ZFYVE16: variants seen among roughly 807,000 people sequenced by gnomAD.
ZFYVE16 encodes zinc finger FYVE domain-containing protein 16.
A neutral mutation model predicts 138.1 loss-of-function variants in ZFYVE16; 89 were observed. That is an observed-to-expected ratio of 0.64 (90% CI 0.54 to 0.77). ZFYVE16 has a LOEUF of 0.77. Ranked by LOEUF, ZFYVE16 falls within the 30% of genes least tolerant of loss-of-function variation. The probability of loss-of-function intolerance (pLI) is 0.00; values close to 1 mark genes in which losing one functional copy is unlikely to be tolerated. For synonymous variants in ZFYVE16, 596 were observed against 618.3 expected (o/e 0.96, Z 0.53); for missense variants, 1,793 against 1,786.7 (o/e 1.00, Z -0.06).
intron 14 of ZFYVE16, 124 bp downstream of exon 14, chr5:80,457,216 T>G: frequency 7.3e-7 from 1 of 1,372,456 alleles, no homozygotes; most frequent in Non-Finnish European, 9.8e-7. Context: ...CAATATGTTT[T>G]GAAATTTCAG....
At chr5:80,425,384 A>G (rs768359030) in intron 1 of ZFYVE16, among the ~76,000 whole-genome samples, 26 of 152,136 alleles carry the variant, frequency 1.7e-4, no homozygotes, top group Non-Finnish European at 1.2e-4. Flanking sequence ...ATGGCACACA[A>G]TCATAATTAG....
At chr5:80,408,226 C>T (rs1403847379) in intron 1 of ZFYVE16, 73 bp downstream of exon 1, 1 of 152,450 alleles carries the variant, frequency 6.6e-6, no homozygotes, top group African/African-American at 2.4e-5. Flanking sequence ...GCGGGGTGAC[C>T]GCTGGACCCG....
chr5:80,437,129 A>G lies in ZFYVE16; in HGVS notation c.444A>G (p.Lys148=). ...CCAATAGTGAAGAAGATATTAAAAA[A>G]TTATTGCCAGATGATTTTAAGTCTA... ...HATNSEEDIK[K]LLPDDFKSNA... Residue 148 remains lysine (K), a synonymous_variant, in exon 4 of 19, where the codon AAA becomes AAG. Transcript: ENST00000505560. The G allele has an allele frequency of 6.2e-7, 1 of 1,613,990 alleles. No homozygotes were observed. The highest frequency in any genetic ancestry group is 1.3e-5 in the African/African-American group (1 of 75,066).
rs755870508 is a variant in ZFYVE16 at position 80,451,521 on chromosome 5, C to T, written c.3419C>T (p.Thr1140Ile). The T allele has an allele frequency of 1.9e-6, 3 of 1,613,304 alleles. No homozygotes were observed. Among genetic ancestry groups the T allele is most frequent in the Non-Finnish European group, 2.5e-6 (3 of 1,179,786 alleles). ...YIENLDNITF[T>I]ESFLSSKDHG... ...GAAAACTTGGACAATATTACCTTTA[C>T]TGAGAGTTTTCTCAGTAGCAAGGAT... The change falls in exon 11 of 19, where the codon ACT (threonine) becomes ATT (isoleucine). Residue 1140 changes from threonine (T) to isoleucine (I), a missense_variant. By Grantham distance (89) the Thr-to-Ile change is moderately conservative. Around this residue, in one of 2 missense-constraint regions of ZFYVE16, gnomAD observed 498 missense variants for 582.4 expected, o/e 0.86. Coordinates refer to ENST00000505560, the MANE Select transcript of ZFYVE16 (RefSeq NM_001284236.3).
Position 80,421,507 on chromosome 5 carries a change from T to A in ZFYVE16, c.-93-5985T>A, listed in dbSNP as rs560735500. On this transcript the variant is annotated intron_variant, in intron 1 of 18. Transcript: ENST00000505560. Reference sequence around the variant, plus strand: ...GGAAGGGATCCAGTTTCAGCTTTCTTTTTATGGCTAGCCAGTTTTCCCAGC... The same window carrying A: ...GGAAGGGATCCAGTTTCAGCTTTCTATTTATGGCTAGCCAGTTTTCCCAGC... Among the ~76,000 whole-genome samples, 52 of 152,240 alleles carry A rather than the reference T, an allele frequency of 3.4e-4. No individual in the cohort carries two copies. The South Asian group carries it at 7.7e-3, about 23-fold the overall frequency.
At chr5:80,428,421 A>G (rs1345835200) in intron 2 of ZFYVE16, among the ~76,000 whole-genome samples, 2 of 152,212 alleles carry the variant, frequency 1.3e-5, no homozygotes, top group Non-Finnish European at 2.9e-5. Context: ...AAAACTAACA[A>G]ACAGAAAGGA....
chr5:80,461,346 C>A (rs556479625), intron 15 of ZFYVE16, among the ~76,000 whole-genome samples: 1 of 152,292 alleles, frequency 6.6e-6, no homozygotes, highest in African/African-American at 2.4e-5. Context: ...AGTCACATTA[C>A]CCCCATTGTC....
At chr5:80,444,933 A>C (rs1396542326) in intron 6 of ZFYVE16, among the ~76,000 whole-genome samples, 1 of 151,962 alleles carries the variant, frequency 6.6e-6, no homozygotes, top group Admixed American at 6.6e-5. Context: ...TTAAGGTGTA[A>C]TCTCTCCTAT....
chr5:80,465,320 A>G (rs890127414), intron 15 of ZFYVE16, among the ~76,000 whole-genome samples: 14 of 150,066 alleles, frequency 9.3e-5, no homozygotes, highest in Non-Finnish European at 1.6e-4. Context: ...TCTGGTTAAC[A>G]ATATTTTTCA....
At chr5:80,416,365 C>T (rs113807349) in intron 1 of ZFYVE16, among the ~76,000 whole-genome samples, 2 of 148,426 alleles carry the variant, frequency 1.3e-5, no homozygotes, top group East Asian at 4.1e-4. Context: ...AAGCGATTCT[C>T]CTGCCTCAGC....
chr5:80,474,494 T>G (rs1561340918), intron 17 of ZFYVE16, among the ~76,000 whole-genome samples, 169 bp from the exon 18 acceptor site: 1 of 152,262 alleles, frequency 6.6e-6, no homozygotes, highest in Non-Finnish European at 1.5e-5. Flanking sequence ...CATAACTTTT[T>G]GTTTTATGTT....
intron 1 of ZFYVE16, among the ~76,000 whole-genome samples, chr5:80,418,671 C>G (rs1097309): frequency 0.78 from 118,345 of 152,002 alleles, 49,151 homozygotes; most frequent in East Asian, 0.92. Context: ...GATACAAGTC[C>G]TTAATCAGAT....
At chr5:80,427,938 C>T (rs1561249715) in intron 2 of ZFYVE16, among the ~76,000 whole-genome samples, 1 of 117,788 alleles carries the variant, frequency 8.5e-6, no homozygotes, top group Non-Finnish European at 1.6e-5. Context: ...CATCACTGCA[C>T]TCTAGCATGC....
Position 80,443,119 on chromosome 5 carries a change from A to G in ZFYVE16, c.2420-4A>G, listed in dbSNP as rs1750902116. 5.2e-6 allele frequency: 8 copies of G among 1,535,512 alleles called. No individual in the cohort carries two copies. The highest frequency in any genetic ancestry group is 6.9e-6 in the Non-Finnish European group (8 of 1,153,402). On this transcript the variant is annotated splice_region_variant and splice_polypyrimidine_tract_variant and intron_variant, in intron 5 of 18. Transcript: ENST00000505560. ...TTTTAACACTATTGTTTTCCCCTTT[A>G]TAGCTCAGGCATTTGAAAGGATGAT...
intron 1 of ZFYVE16, among the ~76,000 whole-genome samples, chr5:80,422,075 AC>A (rs1412134435): frequency 7.2e-5 from 11 of 152,134 alleles, no homozygotes; most frequent in African/African-American, 2.7e-4. Flanking sequence ...ATGGGAGTTC[AC>A]TCATGATTTG....
At chr5:80,415,258 C>G (rs1746037169) in intron 1 of ZFYVE16, among the ~76,000 whole-genome samples, 1 of 152,128 alleles carries the variant, frequency 6.6e-6, no homozygotes, top group Middle Eastern at 3.2e-3. Flanking sequence ...TATAGAGTTC[C>G]TATATACTCC....
Position 80,438,260 on chromosome 5 carries a change from C to T in ZFYVE16, c.1575C>T (p.Gly525=). 2 of 1,613,950 alleles carry T rather than the reference C, an allele frequency of 1.2e-6. No homozygotes were observed. Among genetic ancestry groups the T allele is most frequent in the South Asian group, 2.2e-5 (2 of 91,068 alleles). The change falls in exon 4 of 19, where the codon GGC becomes GGT. Residue 525 remains glycine, a synonymous_variant. Transcript: ENST00000505560. ...ATATTGATGAAGGCGCAAAAAGTGG[C>T]CCACTAATTAGTGATGCTGAACTTG... The part of the protein sequence containing the change: ...YFNIDEGAKS[G]PLISDAELDA...
intron 7 of ZFYVE16, among the ~76,000 whole-genome samples, chr5:80,446,866 A>G (rs925199470): frequency 2.6e-5 from 4 of 152,176 alleles, no homozygotes; most frequent in African/African-American, 7.2e-5. Context: ...CATAGAAGCA[A>G]CTATTAATGT....
chr5:80,426,286 AT>A (rs766201107), intron 1 of ZFYVE16, among the ~76,000 whole-genome samples: 57,896 of 141,302 alleles, frequency 0.41, 14,507 homozygotes, highest in East Asian at 0.69. Flanking sequence ...ATATATATAT[AT>A]ATATATAATT....
Sources: gnomAD v4.1 joint callset for allele counts (sites outside exome capture counted in the v4.1 genomes callset) on GRCh38, gnomAD v4.1.1 for gene constraint, gnomAD v4.1.1 regional missense constraint, MANE v1.5 for transcripts, NCBI Gene and HGNC (gene_info 2026-07-23, HGNC 2026-07-21) for gene names.